The following LRP8 variants were observed in gnomAD, a reference collection of about 807,000 sequenced individuals.
LRP8 encodes low-density lipoprotein receptor-related protein 8.
In LRP8, 46 loss-of-function variants were observed where a neutral mutation model predicts 111.6. That is an observed-to-expected ratio of 0.41 (90% confidence interval 0.33 to 0.53). LRP8 has a LOEUF of 0.53. Among genes scored for constraint, LRP8 ranks in the 20% least tolerant of loss-of-function variants. LRP8 has a pLI of 0.20. For synonymous variants in LRP8, 464 were observed against 511.2 expected (o/e 0.91, Z 1.24); for missense variants, 959 against 1,297.4 (o/e 0.74, Z 4.01).
At chr1:53,274,293 G>T (rs748312543) in intron 6 of LRP8, among the ~76,000 whole-genome samples, 1 of 152,238 alleles carries the variant, frequency 6.6e-6, no homozygotes, top group African/African-American at 2.4e-5. Context: ...CTGCCTGCCT[G>T]CTGTGCCCAC....
intron 2 of LRP8, among the ~76,000 whole-genome samples, chr1:53,298,450 G>C (rs938396856): frequency 5.9e-5 from 9 of 152,304 alleles, no homozygotes; most frequent in Admixed American, 1.3e-4. Flanking sequence ...AAGGGGTGCT[G>C]CTGAGAGCAG....
intron 9 of LRP8, among the ~76,000 whole-genome samples, chr1:53,264,680 T>G (rs1557768405): frequency 6.6e-6 from 1 of 152,158 alleles, no homozygotes; most frequent in Non-Finnish European, 1.5e-5. Context: ...TTAGAGGCTA[T>G]GGCAGCAGAG....
chr1:53,277,954 A>T (rs1388935903), intron 4 of LRP8, among the ~76,000 whole-genome samples: 2 of 152,148 alleles, frequency 1.3e-5, no homozygotes, highest in Non-Finnish European at 1.5e-5. Flanking sequence ...CCCAGGTATG[A>T]GGTATAATTA....
At chr1:53,251,355 G>T (rs1473210689) in intron 16 of LRP8, among the ~76,000 whole-genome samples, 2 of 152,078 alleles carry the variant, frequency 1.3e-5, no homozygotes, top group African/African-American at 4.8e-5. Flanking sequence ...AAAACTGGGG[G>T]GTGGAGAGTG....
chr1:53,296,775 C>G (rs956178784), intron 2 of LRP8, among the ~76,000 whole-genome samples: 2 of 152,234 alleles, frequency 1.3e-5, no homozygotes, highest in African/African-American at 2.4e-5. Context: ...ACCTGCACCC[C>G]ACCCGGGGGC....
chr1:53,315,983 G>A (rs1265698067), intron 2 of LRP8, among the ~76,000 whole-genome samples: 3 of 152,088 alleles, frequency 2.0e-5, no homozygotes, highest in Admixed American at 6.5e-5. Context: ...GTGGCAGAGA[G>A]AACAGGGGCT....
chr1:53,254,319 C>T (rs1421616531), intron 16 of LRP8, among the ~76,000 whole-genome samples: 2 of 151,902 alleles, frequency 1.3e-5, no homozygotes, highest in African/African-American at 4.8e-5. Context: ...CCACCCTGAC[C>T]CTTCCAGGCC....
At chr1:53,263,687 T>C (rs765600766) in intron 10 of LRP8, among the ~76,000 whole-genome samples, 1 of 152,130 alleles carries the variant, frequency 6.6e-6, no homozygotes, top group African/African-American at 2.4e-5. Flanking sequence ...GGGCAGGGAA[T>C]AGACATGTTT....
At chr1:53,307,892 G>A (rs1301037272) in intron 2 of LRP8, among the ~76,000 whole-genome samples, 9 of 152,222 alleles carry the variant, frequency 5.9e-5, no homozygotes, top group Admixed American at 2.6e-4. Context: ...CTATACCCAG[G>A]AGAGGCTTCC....
At chr1:53,261,125 CCA>C (rs949140763) in intron 12 of LRP8, among the ~76,000 whole-genome samples, 1 of 152,186 alleles carries the variant, frequency 6.6e-6, no homozygotes, top group African/African-American at 2.4e-5. Context: ...AAATGTTCAT[CCA>C]CACACAAAAA....
At chr1:53,296,576 C>T (rs1439559258) in intron 2 of LRP8, among the ~76,000 whole-genome samples, 3 of 152,338 alleles carry the variant, frequency 2.0e-5, no homozygotes, top group South Asian at 2.1e-4. Flanking sequence ...AATGCAGATC[C>T]GGGGTGGGGG....
intron 2 of LRP8, among the ~76,000 whole-genome samples, chr1:53,311,970 G>T (rs899522688): frequency 6.6e-6 from 1 of 152,246 alleles, no homozygotes; most frequent in African/African-American, 2.4e-5. Context: ...CTCATACAAG[G>T]CACGTGGCCA....
chr1:53,310,414 A>AT lies in LRP8; in HGVS notation c.244+16458dup, dbSNP rs35319983. 5.5e-3 allele frequency among the ~76,000 whole-genome samples: 839 copies of AT among 152,164 alleles called. 7 individuals carry two copies. The highest frequency in any genetic ancestry group is 0.019 in the African/African-American group (805 of 41,496). On this transcript the variant is annotated intron_variant, in intron 2 of 18. Coordinates refer to ENST00000306052, the MANE Select transcript of LRP8 (RefSeq NM_004631.5). ...TAAGCCGTGTGACCTGGAGGAAGTC[A>AT]TTTTTCTCCTCTGTAAATGGGGGAT...
intron 2 of LRP8, among the ~76,000 whole-genome samples, chr1:53,325,520 A>T (rs144312869): frequency 2.6e-5 from 4 of 152,354 alleles, no homozygotes; most frequent in African/African-American, 9.6e-5. Context: ...TGTGAACCCA[A>T]GTGGTCAGGT....
intron 4 of LRP8, among the ~76,000 whole-genome samples, chr1:53,280,101 T>C (rs961736639): frequency 6.6e-6 from 1 of 152,328 alleles, no homozygotes; most frequent in East Asian, 1.9e-4. Context: ...GCAACAGTCG[T>C]CCTTGACACC....
At chr1:53,296,986 C>T (rs1186930718) in intron 2 of LRP8, among the ~76,000 whole-genome samples, 1 of 152,138 alleles carries the variant, frequency 6.6e-6, no homozygotes. Flanking sequence ...TGCCCAGAGC[C>T]CATCGCCAGC....
chr1:53,327,000 G>C lies in LRP8; in HGVS notation c.125-8C>G. The C allele has an allele frequency of 6.2e-7, 1 of 1,611,994 alleles. No homozygotes were observed. Among genetic ancestry groups the C allele is most frequent in the Non-Finnish European group, 8.5e-7 (1 of 1,179,814 alleles). ...CGCAATCCTTGGCCGGCCCTGCGAG[G>C]GGGAGGGAGCGTGAGCTGGATCAGC... On this transcript the variant is annotated splice_polypyrimidine_tract_variant and splice_region_variant and intron_variant, in intron 1 of 18. Coordinates refer to ENST00000306052, the MANE Select transcript of LRP8 (RefSeq NM_004631.5).
intron 2 of LRP8, among the ~76,000 whole-genome samples, chr1:53,302,395 C>T (rs936054181): frequency 3.3e-5 from 5 of 152,074 alleles, no homozygotes; most frequent in African/African-American, 7.2e-5. Flanking sequence ...CACGTTAGAC[C>T]GGAACCTAAC....
chr1:53,275,841 C>A lies in LRP8; in HGVS notation c.884-88G>T, dbSNP rs1017485757. 6.7e-6 allele frequency: 10 copies of A among 1,495,834 alleles called. No individual in the cohort carries two copies. Among genetic ancestry groups the A allele is most frequent in the African/African-American group, 1.4e-5 (1 of 72,446 alleles). 92.7% of individuals were successfully genotyped at this position (1,495,834 alleles called of 1,614,324 possible). A position where few individuals can be genotyped will look rare whatever the true frequency, so the allele number is the denominator to read the frequency against. ...CACCCCAATCCCCATGCCATAGCCACCCCCAGCAAAAACAGAACCAGTGGC... is the reference window on the plus strand; with the variant it reads ...CACCCCAATCCCCATGCCATAGCCAACCCCAGCAAAAACAGAACCAGTGGC... On this transcript the variant is annotated intron_variant, in intron 5 of 18. Coordinates refer to ENST00000306052, the MANE Select transcript of LRP8 (RefSeq NM_004631.5). This position sits in a 1 kb window ranked among gnomAD's most constrained non-coding sequence, Gnocchi z 4.4.
Sources: gnomAD v4.1 joint callset for allele counts (sites outside exome capture counted in the v4.1 genomes callset) on GRCh38, gnomAD v4.1.1 for gene constraint, Gnocchi (gnomAD v3.1) non-coding constraint, MANE v1.5 for transcripts, NCBI Gene and HGNC (gene_info 2026-07-23, HGNC 2026-07-21) for gene names.